The following PTPRT variants were observed in gnomAD, a reference collection of about 807,000 sequenced individuals.
PTPRT encodes the protein protein tyrosine phosphatase receptor type T, also known as receptor-type tyrosine-protein phosphatase T.
In PTPRT, 56 loss-of-function variants were observed where a neutral mutation model predicts 176.8. The observed-to-expected ratio is 0.32, with a 90% confidence interval of 0.26 to 0.40. The LOEUF (loss-of-function observed/expected upper bound fraction) is 0.40, where lower values mean the gene tolerates loss of function less well. PTPRT is among the 10% of genes least tolerant of loss of function. PTPRT has a pLI of 1.00. For missense variants in PTPRT, 1,540 were observed against 1,908.2 expected, an observed-to-expected ratio of 0.81 and a Z score of 3.60; for synonymous variants, 783 against 739.0, an observed-to-expected ratio of 1.06 and a Z score of -0.96.
chr20:43,037,115 T>C (rs1986413605), intron 1 of PTPRT, among the ~76,000 whole-genome samples: 1 of 152,242 alleles, frequency 6.6e-6, no homozygotes, highest in Admixed American at 6.5e-5. Context: ...ATTGATCACC[T>C]GTAAAGTGGC....
Position 42,350,750 on chromosome 20 carries a change from T to C in PTPRT, c.1763-20A>G. On this transcript the variant is annotated intron_variant, in intron 10 of 30. Coordinates refer to ENST00000373187, the MANE Select transcript of PTPRT (RefSeq NM_007050.6). ...ATGGAGCTGGACAGGAAACAGAGAG[T>C]GCAGGTGAGTTCAGCACAGATTCCC... 1 of 1,568,510 alleles carries C rather than the reference T, an allele frequency of 6.4e-7. No individual in the cohort carries two copies. Among genetic ancestry groups the C allele is most frequent in the Non-Finnish European group, 8.8e-7 (1 of 1,139,086 alleles).
intron 2 of PTPRT, among the ~76,000 whole-genome samples, chr20:42,804,554 T>A (rs975090536): frequency 1.3e-5 from 2 of 152,100 alleles, no homozygotes; most frequent in Non-Finnish European, 2.9e-5. Context: ...AGGGAAGCAA[T>A]GAGCTGAATG....
At chr20:42,947,706 G>A (rs1450161114) in intron 1 of PTPRT, among the ~76,000 whole-genome samples, 1 of 152,110 alleles carries the variant, frequency 6.6e-6, no homozygotes, top group African/African-American at 2.4e-5. Context: ...CAAACTTCTT[G>A]CAAGAATTGT....
intron 2 of PTPRT, among the ~76,000 whole-genome samples, chr20:42,859,331 A>T (rs2078618890): frequency 6.6e-6 from 1 of 152,188 alleles, no homozygotes; most frequent in Non-Finnish European, 1.5e-5. Context: ...TCATGAAGTC[A>T]TGAAGACATA....
chr20:42,254,121 C>A (rs2056595980), intron 13 of PTPRT, among the ~76,000 whole-genome samples: 1 of 152,124 alleles, frequency 6.6e-6, no homozygotes, highest in African/African-American at 2.4e-5. Context: ...TGCTACCCAG[C>A]AACCCTCCCA....
chr20:42,440,677 C>G (rs991886615), intron 9 of PTPRT, among the ~76,000 whole-genome samples: 1 of 152,032 alleles, frequency 6.6e-6, no homozygotes, highest in Non-Finnish European at 1.5e-5. Flanking sequence ...CGGGGTTTCA[C>G]CGTGTTAGCC....
At chr20:42,187,916 G>C (rs1990845517) in intron 16 of PTPRT, among the ~76,000 whole-genome samples, 1 of 152,198 alleles carries the variant, frequency 6.6e-6, no homozygotes, top group South Asian at 2.1e-4. Context: ...AACTTGCTGA[G>C]TGATCCTAGG....
chr20:42,873,125 T>C (rs1013812005), intron 2 of PTPRT, among the ~76,000 whole-genome samples: 2 of 151,902 alleles, frequency 1.3e-5, no homozygotes, highest in Non-Finnish European at 2.9e-5. Flanking sequence ...GGTCCAGAGG[T>C]TCAAGTCAAC....
chr20:43,106,651 T>C (rs1372087206), intron 1 of PTPRT, among the ~76,000 whole-genome samples: 6 of 92,960 alleles, frequency 6.5e-5, no homozygotes, highest in Non-Finnish European at 1.1e-4. Flanking sequence ...ACAGCGAGAC[T>C]CCATCTCAAA....
At chr20:42,088,391 G>A (rs1026270884) in intron 27 of PTPRT, among the ~76,000 whole-genome samples, 5 of 152,276 alleles carry the variant, frequency 3.3e-5, no homozygotes, top group East Asian at 3.9e-4. Context: ...TCTCCACTTC[G>A]TGGCCGAAGA....
chr20:42,655,171 A>C (rs2075103250), intron 7 of PTPRT, among the ~76,000 whole-genome samples: 1 of 152,130 alleles, frequency 6.6e-6, no homozygotes, highest in East Asian at 1.9e-4. Flanking sequence ...GAAAAGAAAA[A>C]ATAGTAATAA....
intron 6 of PTPRT, among the ~76,000 whole-genome samples, chr20:42,685,100 A>G (rs2075670182): frequency 6.6e-6 from 1 of 152,210 alleles, no homozygotes; most frequent in East Asian, 1.9e-4. Flanking sequence ...TGATAAAGAC[A>G]ATGGTACATT....
At chr20:42,869,725 T>C (rs1345265326) in intron 2 of PTPRT, among the ~76,000 whole-genome samples, 4 of 152,196 alleles carry the variant, frequency 2.6e-5, no homozygotes, top group Admixed American at 6.5e-5. Context: ...AATGAATGTA[T>C]TTTGTATATG....
chr20:42,685,891 T>C (rs2075682525), intron 6 of PTPRT: 1 of 152,196 alleles, frequency 6.6e-6, no homozygotes, highest in Non-Finnish European at 1.5e-5. Flanking sequence ...TGCAGTTCTC[T>C]GCTCTCAATC....
At position 42,795,817 on chromosome 20, in the gene PTPRT, T is replaced by C. The variant is rs208242; in HGVS notation, c.215-4351A>G. Among the ~76,000 whole-genome samples the C allele has an allele frequency of 6.7e-4, 102 of 152,338 alleles. 1 individual carries two copies. The highest frequency in any genetic ancestry group is 2.4e-3 in the African/African-American group (101 of 41,582). ...AATTCCCTGGGCCTCAATGCCCTCA[T>C]CTATAAAATGGGATAATGAAACCTA... On this transcript the variant is annotated intron_variant, in intron 2 of 30. Transcript: ENST00000373187.
intron 1 of PTPRT, among the ~76,000 whole-genome samples, chr20:43,034,393 G>A (rs1027199830): frequency 6.6e-6 from 1 of 152,050 alleles, no homozygotes; most frequent in Admixed American, 6.6e-5. Context: ...TACCTGCCTG[G>A]TATGTGTTGT....
At chr20:42,556,706 CTT>C (rs2145633803) in intron 7 of PTPRT, among the ~76,000 whole-genome samples, 1 of 152,238 alleles carries the variant, frequency 6.6e-6, no homozygotes, top group African/African-American at 2.4e-5. Context: ...GCCCTGTCCT[CTT>C]TGTGACTTTC....
At chr20:42,411,054 G>C (rs1038443636) in intron 9 of PTPRT, among the ~76,000 whole-genome samples, 65 of 152,102 alleles carry the variant, frequency 4.3e-4, no homozygotes, top group African/African-American at 1.5e-3. Context: ...TGTAAAGGAA[G>C]CAGAAAGAAG....
chr20:42,034,280 G>C, the PTPRT span, among the ~76,000 whole-genome samples: 1 of 152,174 alleles, frequency 6.6e-6, no homozygotes, highest in Non-Finnish European at 1.5e-5. Flanking sequence ...GAGGGCCTCA[G>C]TTCCCTGCTG....
Sources: gnomAD v4.1 joint callset for allele counts (sites outside exome capture counted in the v4.1 genomes callset) on GRCh38, gnomAD v4.1.1 for gene constraint, MANE v1.5 for transcripts, NCBI Gene and HGNC (gene_info 2026-07-23, HGNC 2026-07-21) for gene names.